The following FMN1 variants were observed in gnomAD, a reference collection of about 807,000 sequenced individuals.
The protein encoded by FMN1 is formin 1.
FMN1 carries 110 observed loss-of-function variants against 132.4 expected under a neutral mutation model. That is an observed-to-expected ratio of 0.83 (90% CI 0.71 to 0.97). The LOEUF is 0.97. Ranked by LOEUF, FMN1 falls within the 50% of genes least tolerant of loss-of-function variation. FMN1 has a pLI of 0.00. For missense variants in FMN1, 1,792 were observed against 1,705.3 expected (o/e 1.05, Z -0.90); for synonymous variants, 722 against 651.7 (o/e 1.11, Z -1.64).
At chr15:32,847,625 T>C (rs1375102679) in intron 17 of FMN1, among the ~76,000 whole-genome samples, 2 of 152,000 alleles carry the variant, frequency 1.3e-5, no homozygotes, top group Non-Finnish European at 2.9e-5. Context: ...GAGGCCGAGG[T>C]GGGCGGATCA....
chr15:33,005,289 G>A (rs893119531), intron 7 of FMN1, among the ~76,000 whole-genome samples: 20 of 151,784 alleles, frequency 1.3e-4, no homozygotes, highest in African/African-American at 4.6e-4. Context: ...TAGCAATTAG[G>A]TAAACATCAT....
intron 17 of FMN1, among the ~76,000 whole-genome samples, chr15:32,823,595 C>T (rs938966542): frequency 2.0e-5 from 3 of 152,166 alleles, no homozygotes; most frequent in African/African-American, 7.2e-5. Flanking sequence ...TTTTAAGTTT[C>T]CTCTCACATA....
chr15:32,947,432 ATTACC>A (rs1266884074), intron 9 of FMN1, among the ~76,000 whole-genome samples: 1 of 151,986 alleles, frequency 6.6e-6, no homozygotes, highest in Non-Finnish European at 1.5e-5. Flanking sequence ...ACTAGCTCTT[ATTACC>A]TTATTTTCCT....
chr15:33,111,320 T>C (rs960391268), intron 4 of FMN1, among the ~76,000 whole-genome samples: 1 of 152,158 alleles, frequency 6.6e-6, no homozygotes, highest in Non-Finnish European at 1.5e-5. Context: ...AAAAGGCAGA[T>C]AACAACAAGT....
At chr15:32,889,328 C>T (rs939755794) in intron 15 of FMN1, among the ~76,000 whole-genome samples, 10 of 152,146 alleles carry the variant, frequency 6.6e-5, no homozygotes, top group Non-Finnish European at 7.4e-5. Flanking sequence ...AGTTGTTTAA[C>T]GTAAGCTTTG....
chr15:32,879,310 C>G (rs1315769215), intron 16 of FMN1, among the ~76,000 whole-genome samples: 1 of 152,224 alleles, frequency 6.6e-6, no homozygotes, highest in Non-Finnish European at 1.5e-5. Flanking sequence ...GGTCAGGACT[C>G]TGGCTAATGT....
chr15:33,063,590 T>C (rs944918210), intron 6 of FMN1: 1 of 152,160 alleles, frequency 6.6e-6, no homozygotes, highest in African/African-American at 2.4e-5. Flanking sequence ...GATTCCTGAT[T>C]AGTACGACCC....
intron 19 of FMN1, among the ~76,000 whole-genome samples, chr15:32,786,354 T>C (rs962822124): frequency 1.1e-4 from 17 of 152,152 alleles, no homozygotes; most frequent in African/African-American, 3.1e-4. Flanking sequence ...TCACTGTAGA[T>C]CACACCTGTA....
At chr15:33,047,590 C>T (rs1566863939) in intron 6 of FMN1, among the ~76,000 whole-genome samples, 1 of 152,138 alleles carries the variant, frequency 6.6e-6, no homozygotes, top group Admixed American at 6.5e-5. Flanking sequence ...AAATTAAAAG[C>T]AAATAGATCC....
At chr15:33,083,490 T>C (rs1329954795) in intron 5 of FMN1, among the ~76,000 whole-genome samples, 2 of 152,120 alleles carry the variant, frequency 1.3e-5, no homozygotes, top group Admixed American at 6.6e-5. Context: ...AGGCTAAAGG[T>C]TGAGCTAATC....
chr15:33,126,974 G>C (rs1036734346), intron 4 of FMN1, among the ~76,000 whole-genome samples: 2 of 152,216 alleles, frequency 1.3e-5, no homozygotes, highest in African/African-American at 4.8e-5. Context: ...TGACTCTGTG[G>C]AGAGGCTTGC....
At chr15:33,041,469 TAAAC>T (rs2036435188) in intron 6 of FMN1, among the ~76,000 whole-genome samples, 1 of 123,562 alleles carries the variant, frequency 8.1e-6, no homozygotes, top group Non-Finnish European at 1.7e-5. Flanking sequence ...TCCTCACCAG[TAAAC>T]AAAAAAAAAA....
chr15:32,792,537 A>C (rs2057125949), intron 19 of FMN1, among the ~76,000 whole-genome samples: 1 of 152,156 alleles, frequency 6.6e-6, no homozygotes, highest in Non-Finnish European at 1.5e-5. Context: ...TCAGTTAGGA[A>C]ATGTGACACA....
chr15:32,788,495 G>A (rs1459491388), intron 19 of FMN1, among the ~76,000 whole-genome samples: 1 of 152,140 alleles, frequency 6.6e-6, no homozygotes, highest in Non-Finnish European at 1.5e-5. Flanking sequence ...CTAGCACTGA[G>A]AGCCTGTTTG....
chr15:32,790,084 T>C (rs537867140), intron 19 of FMN1, among the ~76,000 whole-genome samples: 1 of 152,296 alleles, frequency 6.6e-6, no homozygotes. Context: ...AAATTTATAT[T>C]ATAGGAATGT....
At chr15:32,866,942 C>T (rs547973690) in intron 16 of FMN1, among the ~76,000 whole-genome samples, 25 of 152,278 alleles carry the variant, frequency 1.6e-4, no homozygotes, top group Admixed American at 3.3e-4. Flanking sequence ...AGTCATTAAA[C>T]GTTAAAGTTC....
chr15:33,185,590 T>TTTTTTTTTTTTTTTTTTTC (rs1965855944), intron 2 of FMN1, among the ~76,000 whole-genome samples: 1 of 133,242 alleles, frequency 7.5e-6, no homozygotes, highest in African/African-American at 3.0e-5. Context: ...TTTTTTTTTT[T>TTTTTTTTTTTTTTTTTTTC]ACACAGAGTT....
At chr15:33,044,184 G>A (rs1424968066) in intron 6 of FMN1, among the ~76,000 whole-genome samples, 1 of 152,200 alleles carries the variant, frequency 6.6e-6, no homozygotes, top group Non-Finnish European at 1.5e-5. Flanking sequence ...GGAGGCTGAG[G>A]AGGGGCTGAG....
At chr15:33,101,088 CTA>C (rs1341696290) in intron 4 of FMN1, among the ~76,000 whole-genome samples, 1 of 151,946 alleles carries the variant, frequency 6.6e-6, no homozygotes, top group Non-Finnish European at 1.5e-5. Flanking sequence ...AATGAAGCAA[CTA>C]TTAATTTTAT....
Sources: gnomAD v4.1 joint callset for allele counts (sites outside exome capture counted in the v4.1 genomes callset) on GRCh38, gnomAD v4.1.1 for gene constraint, MANE v1.5 for transcripts, NCBI Gene and HGNC (gene_info 2026-07-23, HGNC 2026-07-21) for gene names.